Variants in LMNTD1 observed in about 807,000 individuals in gnomAD.
LMNTD1 encodes lamin tail domain-containing protein 1.
Under a neutral mutation model 50.9 loss-of-function variants are expected in LMNTD1, and 35 were observed. The observed-to-expected ratio is 0.69, with a 90% CI of 0.53 to 0.91. The LOEUF (loss-of-function observed/expected upper bound fraction) is 0.91, where lower values mean the gene tolerates loss of function less well. Among genes scored for constraint, LMNTD1 ranks in the 40% least tolerant of loss-of-function variants. The pLI is 0.00. For missense variants in LMNTD1, 470 were observed against 475.5 expected (o/e 0.99, Z 0.11); for synonymous variants, 153 against 161.9 (o/e 0.94, Z 0.42).
rs1946123774 is a variant in LMNTD1 at position 25,607,010 on chromosome 12, G to A, written c.58+41484C>T. On this transcript the variant is annotated intron_variant, in intron 1 of 7. Transcript: ENST00000445693. ...TATTAATTATTGCCTCAATTTCGGAGCCTGTTATTGGTCTATTCAGAGATT... is the reference window on the plus strand; with the variant it reads ...TATTAATTATTGCCTCAATTTCGGAACCTGTTATTGGTCTATTCAGAGATT... 4.6e-5 allele frequency among the ~76,000 whole-genome samples: 7 copies of A among 152,128 alleles called. No homozygotes were observed. The South Asian group carries it at 1.5e-3, about 32-fold the overall frequency.
intron 1 of LMNTD1, among the ~76,000 whole-genome samples, chr12:25,633,148 C>T (rs1946757823): frequency 1.3e-5 from 2 of 151,948 alleles, no homozygotes; most frequent in South Asian, 2.1e-4. Context: ...CATATATCCA[C>T]CTAAGACTGG....
At chr12:25,631,741 C>A (rs562284629) in intron 1 of LMNTD1, among the ~76,000 whole-genome samples, 1 of 152,214 alleles carries the variant, frequency 6.6e-6, no homozygotes, top group Non-Finnish European at 1.5e-5. Flanking sequence ...AAACAAGGCC[C>A]TTTGACACCC....
chr12:25,576,595 T>C (rs1321158701), intron 1 of LMNTD1, among the ~76,000 whole-genome samples: 2 of 152,170 alleles, frequency 1.3e-5, no homozygotes, highest in East Asian at 1.9e-4. Context: ...GATATTAGCC[T>C]TTTGTCAGAT....
At chr12:25,563,552 C>A (rs1460865424) in intron 1 of LMNTD1, among the ~76,000 whole-genome samples, 1 of 152,192 alleles carries the variant, frequency 6.6e-6, no homozygotes, top group Non-Finnish European at 1.5e-5. Context: ...TCAATTGGCC[C>A]CTACTGGGAG....
At chr12:25,566,125 T>C (rs1163578177) in intron 1 of LMNTD1, among the ~76,000 whole-genome samples, 1 of 152,184 alleles carries the variant, frequency 6.6e-6, no homozygotes, top group Non-Finnish European at 1.5e-5. Flanking sequence ...ACTTGCATAT[T>C]GCTATCTTTT....
intron 1 of LMNTD1, among the ~76,000 whole-genome samples, chr12:25,601,582 ATATGTACCTACCTAC>A (rs1210381435): frequency 6.6e-6 from 1 of 151,916 alleles, no homozygotes; most frequent in Non-Finnish European, 1.5e-5. Flanking sequence ...CCCCACAAAT[ATATGTACCTACCTAC>A]TATGTACCCA....
intron 8 of LMNTD1, among the ~76,000 whole-genome samples, chr12:25,508,814 G>A (rs895012836): frequency 2.0e-5 from 3 of 152,104 alleles, no homozygotes; most frequent in South Asian, 2.1e-4. Flanking sequence ...CTACTTCACC[G>A]TTAAGTATGA....
At chr12:25,619,252 C>CTCTCTCTCTCTCTCTCTCTCTATATA (rs1374134268) in intron 1 of LMNTD1, among the ~76,000 whole-genome samples, 1 of 84,444 alleles carries the variant, frequency 1.2e-5, no homozygotes, top group African/African-American at 5.1e-5. Context: ...CTCTCTCTCT[C>CTCTCTCTCTCTCTCTCTCTCTATATA]TATATATATA....
rs1024222386 is a variant in LMNTD1, at chr12:25,490,910, G to T, written c.*22+12828C>A. Among the ~76,000 whole-genome samples, 3 of 152,200 alleles carry T rather than the reference G, an allele frequency of 2.0e-5. No individual in the cohort carries two copies. In the South Asian group the frequency reaches 6.2e-4, roughly 32 times the overall value. Reference sequence around the variant, plus strand: ...AACTCCCACCTAATGCAATGCAACTGCTGTAAGGACTAGTCTTTGACAAAC... The same window carrying T: ...AACTCCCACCTAATGCAATGCAACTTCTGTAAGGACTAGTCTTTGACAAAC... On this transcript the variant is annotated intron_variant, in intron 9 of 9. Coordinates refer to ENST00000458174, the MANE Select transcript of LMNTD1 (RefSeq NM_001145728.2).
At chr12:25,527,264 T>C (rs1488979380) in intron 4 of LMNTD1, among the ~76,000 whole-genome samples, 1 of 152,098 alleles carries the variant, frequency 6.6e-6, no homozygotes, top group Non-Finnish European at 1.5e-5. Context: ...TTTCCTACTG[T>C]TCAAGATAAA....
At chr12:25,634,519 G>A (rs1224517137) in intron 1 of LMNTD1, among the ~76,000 whole-genome samples, 2 of 152,162 alleles carry the variant, frequency 1.3e-5, no homozygotes, top group African/African-American at 2.4e-5. Flanking sequence ...TGCAGGGATG[G>A]TTTAACAGAC....
intron 1 of LMNTD1, among the ~76,000 whole-genome samples, chr12:25,571,085 T>G (rs1442885094): frequency 6.6e-6 from 1 of 152,230 alleles, no homozygotes; most frequent in Non-Finnish European, 1.5e-5. Context: ...GTTGCTGCCT[T>G]GAAATCCTTA....
chr12:25,606,643 T>G (rs996977589), intron 1 of LMNTD1, among the ~76,000 whole-genome samples: 5 of 152,230 alleles, frequency 3.3e-5, no homozygotes, highest in Non-Finnish European at 7.3e-5. Flanking sequence ...TTTATTGATT[T>G]GCATATGTTG....
At chr12:25,621,622 A>G (rs968184263) in intron 1 of LMNTD1, among the ~76,000 whole-genome samples, 3 of 152,186 alleles carry the variant, frequency 2.0e-5, no homozygotes, top group Non-Finnish European at 2.9e-5. Context: ...TATTTCTTAA[A>G]TGAATAATTC....
At chr12:25,546,221 AT>A (rs1241696380) in intron 4 of LMNTD1, among the ~76,000 whole-genome samples, 152 bp downstream of exon 4, 2 of 151,622 alleles carry the variant, frequency 1.3e-5, no homozygotes, top group Non-Finnish European at 3.0e-5. Flanking sequence ...ATTTATTTTA[AT>A]TGCTCAGAAG....
intron 9 of LMNTD1, among the ~76,000 whole-genome samples, chr12:25,486,829 C>G (rs12826597): frequency 0.25 from 37,180 of 149,958 alleles, 5,298 homozygotes; most frequent in East Asian, 0.65. Flanking sequence ...ATATATTGAA[C>G]CAGCCTTGCA....
At chr12:25,577,895 T>A (rs940329264) in intron 1 of LMNTD1, among the ~76,000 whole-genome samples, 1 of 152,140 alleles carries the variant, frequency 6.6e-6, no homozygotes, top group Non-Finnish European at 1.5e-5. Flanking sequence ...CCCTGTCCTA[T>A]CATGCCCATG....
chr12:25,607,808 C>A (rs1946148314), intron 1 of LMNTD1, among the ~76,000 whole-genome samples: 1 of 152,184 alleles, frequency 6.6e-6, no homozygotes, highest in East Asian at 1.9e-4. Flanking sequence ...AATGTATATT[C>A]TGTTGATTGG....
rs184596641 is a variant in LMNTD1 at position 25,527,753 on chromosome 12, T to A, written c.492-798A>T. The stretch of plus-strand genomic sequence containing the variant: ...ACATATATATACATATATATGTATA[T>A]CTATGTCTATGTTTCTATTTATTTG... On this transcript the variant is annotated intron_variant, in intron 4 of 9. Coordinates refer to ENST00000458174, the MANE Select transcript of LMNTD1 (RefSeq NM_001145728.2). Among the ~76,000 whole-genome samples the A allele has an allele frequency of 2.8e-4, 41 of 145,534 alleles. No individual in the cohort carries two copies. In the East Asian group the frequency reaches 8.2e-3, roughly 29 times the overall value.
Sources: allele counts gnomAD v4.1 joint callset (sites outside exome capture counted in the v4.1 genomes callset), GRCh38; gene constraint gnomAD v4.1.1; transcripts MANE v1.5; gene names NCBI Gene and HGNC (gene_info 2026-07-23, HGNC 2026-07-21).